CSPG4: variants seen among roughly 807,000 people sequenced by gnomAD.
CSPG4 encodes chondroitin sulfate proteoglycan 4 (melanoma-associated).
CSPG4 carries 74 observed loss-of-function variants against 139.3 expected under a neutral mutation model. The observed-to-expected ratio is 0.53, with a 90% confidence interval of 0.44 to 0.64. The LOEUF is 0.64. CSPG4 is among the 30% of genes least tolerant of loss of function. The pLI, the probability that CSPG4 is intolerant of heterozygous loss-of-function variation, is 0.00. For missense variants in CSPG4, 2,565 were observed against 3,148.3 expected, an observed-to-expected ratio of 0.81 and a Z score of 4.43; for synonymous variants, 1,234 against 1,394.2, an observed-to-expected ratio of 0.89 and a Z score of 2.56.
rs1894250989 is a variant in CSPG4 at position 75,698,104 on chromosome 15, C to T, written c.89-4871G>A. Reference sequence around the variant, plus strand: ...TGCACAGGAGTGAGGAGGGGATGCCCAGCCAGCCTGCTGGGGAGGGAGGGC... The same window carrying T: ...TGCACAGGAGTGAGGAGGGGATGCCTAGCCAGCCTGCTGGGGAGGGAGGGC... On this transcript the variant is annotated intron_variant, in intron 1 of 9. Transcript: ENST00000308508. The surrounding 1 kb of genome is among the most constrained non-coding windows in gnomAD (Gnocchi z 4.3). Among the ~76,000 whole-genome samples the T allele has an allele frequency of 6.6e-6, 1 of 152,150 alleles. No homozygotes were observed. Among genetic ancestry groups the T allele is most frequent in the Non-Finnish European group, 1.5e-5 (1 of 68,022 alleles).
chr15:75,700,830 T>G (rs1468105651), intron 1 of CSPG4, among the ~76,000 whole-genome samples: 1 of 152,182 alleles, frequency 6.6e-6, no homozygotes, highest in African/African-American at 2.4e-5. Context: ...ACTGTGGGTC[T>G]GGACGGCTGC....
chr15:75,695,408 G>A (rs908449670), intron 1 of CSPG4, among the ~76,000 whole-genome samples: 1 of 152,172 alleles, frequency 6.6e-6, no homozygotes, highest in Non-Finnish European at 1.5e-5. Context: ...GTCTGAATGG[G>A]TCCATTGAGG....
chr15:75,677,512 G>T, intron 9 of CSPG4, 128 bp from the exon 10 acceptor site: 1 of 1,225,698 alleles, frequency 8.2e-7, no homozygotes, highest in Non-Finnish European at 1.1e-6. Context: ...CCAGGGTGGG[G>T]CTCAGGGTTC....
In CSPG4 at chr15:75,696,340, G is replaced by T. The variant is rs1470333061; in HGVS notation, c.89-3107C>A. 6.6e-6 allele frequency among the ~76,000 whole-genome samples: 1 copy of T among 152,150 alleles called. No homozygotes were observed. Among genetic ancestry groups the T allele is most frequent in the Admixed American group, 6.5e-5 (1 of 15,280 alleles). ...AGCAGGATGCCCCACAGGTCTGGGGGCCCGTGGGAGGGGCAGGAAGAGTGC... is the reference window on the plus strand; with the variant it reads ...AGCAGGATGCCCCACAGGTCTGGGGTCCCGTGGGAGGGGCAGGAAGAGTGC... On this transcript the variant is annotated intron_variant, in intron 1 of 9. Transcript: ENST00000308508. The surrounding 1 kb of genome is among the most constrained non-coding windows in gnomAD (Gnocchi z 4.2).
chr15:75,712,859 C>CA, upstream of CSPG4: 1 of 952,598 alleles, frequency 1.0e-6, no homozygotes, highest in East Asian at 3.2e-5. Flanking sequence ...GGGCCGGCTC[C>CA]GGGTGTCCGC....
At chr15:75,699,283 C>A (rs981814770) in intron 1 of CSPG4, among the ~76,000 whole-genome samples, 14 of 152,204 alleles carry the variant, frequency 9.2e-5, no homozygotes, top group African/African-American at 3.4e-4. Flanking sequence ...CAGGGCAGCA[C>A]CAAAAACTCT....
Position 75,689,581 on chromosome 15 carries a change from G to T in CSPG4, c.1484C>A (p.Thr495Asn). 6.2e-7 allele frequency: 1 copy of T among 1,612,762 alleles called. No individual in the cohort carries two copies. Among genetic ancestry groups the T allele is most frequent in the Non-Finnish European group, 8.5e-7 (1 of 1,179,824 alleles). ...CTTGCGGTTCACCACGTCCAGGAGGGTGAACATTTTTCGTGCCTGGGCTCC... is the reference window on the plus strand; with the variant it reads ...CTTGCGGTTCACCACGTCCAGGAGGTTGAACATTTTTCGTGCCTGGGCTCC... ...IPGAQARKMF[T>N]LLDVVNRKAR... Residue 495 changes from threonine to asparagine, a missense_variant, in exon 3 of 10, where the codon ACC becomes AAC. By Grantham distance (65) the Thr-to-Asn change is moderately conservative. Around this residue, in one of 5 missense-constraint regions of CSPG4, gnomAD observed 2,316 missense variants for 2,818.2 expected, o/e 0.82. Transcript: ENST00000308508.
At chr15:75,686,296 C>T (rs1238783462) in intron 3 of CSPG4, among the ~76,000 whole-genome samples, 2 of 152,246 alleles carry the variant, frequency 1.3e-5, no homozygotes, top group African/African-American at 4.8e-5. Context: ...CACAGGCCCC[C>T]CTGCTCAGGA....
intron 1 of CSPG4, among the ~76,000 whole-genome samples, chr15:75,706,442 AGTGT>A (rs141542830): frequency 3.3e-5 from 5 of 151,450 alleles, no homozygotes; most frequent in Admixed American, 6.6e-5. Context: ...TGTGTGTGTG[AGTGT>A]GTGTGTGCAC....
intron 4 of CSPG4, 142 bp from the exon 5 acceptor site, chr15:75,685,054 G>C: frequency 7.9e-7 from 1 of 1,272,348 alleles, no homozygotes; most frequent in Non-Finnish European, 1.1e-6. Context: ...GCTCCGAGGA[G>C]TTGTGAGGAA....
chr15:75,685,030 G>T, intron 4 of CSPG4, 118 bp from the exon 5 acceptor site: 2 of 1,281,618 alleles, frequency 1.6e-6, no homozygotes, highest in South Asian at 1.4e-5. Context: ...AGAAAATGGG[G>T]ACCATAAGTT....
intron 1 of CSPG4, among the ~76,000 whole-genome samples, chr15:75,697,875 A>G (rs1450730148): frequency 1.3e-5 from 2 of 152,230 alleles, no homozygotes; most frequent in East Asian, 1.9e-4. Context: ...CATTCACTCA[A>G]TCACAAATAC....
chr15:75,684,229 G>T (rs981086079), intron 5 of CSPG4, among the ~76,000 whole-genome samples: 4 of 152,222 alleles, frequency 2.6e-5, no homozygotes, highest in Admixed American at 2.6e-4. Flanking sequence ...TCCATCCCAC[G>T]TCTGGGCCTC....
At position 75,698,905 on chromosome 15, in the gene CSPG4, A is replaced by G. The variant is rs1348005091; in HGVS notation, c.89-5672T>C. On this transcript the variant is annotated intron_variant, in intron 1 of 9. Transcript: ENST00000308508. The surrounding 1 kb of genome is among the most constrained non-coding windows in gnomAD (Gnocchi z 4.3). Reference sequence around the variant, plus strand: ...AAGGGGAGCGACCTGCCCAGTGATGACACTGGGGTCACCAGGGCCCAGGCC... The same window carrying G: ...AAGGGGAGCGACCTGCCCAGTGATGGCACTGGGGTCACCAGGGCCCAGGCC... Among the ~76,000 whole-genome samples, 1 of 152,100 alleles carries G rather than the reference A, an allele frequency of 6.6e-6. No individual in the cohort carries two copies. The highest frequency in any genetic ancestry group is 1.5e-5 in the Non-Finnish European group (1 of 67,998).
chr15:75,686,059 TA>T (rs1320300573), intron 3 of CSPG4, among the ~76,000 whole-genome samples: 3 of 152,202 alleles, frequency 2.0e-5, no homozygotes, highest in Non-Finnish European at 2.9e-5. Flanking sequence ...GGCTAATTTT[TA>T]AATTTTTTGT....
Position 75,698,996 on chromosome 15 carries a change from G to A in CSPG4, c.89-5763C>T, listed in dbSNP as rs765419418. 6.0e-4 allele frequency among the ~76,000 whole-genome samples: 91 copies of A among 152,086 alleles called. No homozygotes were observed. Among genetic ancestry groups the A allele is most frequent in the Non-Finnish European group, 1.2e-3 (85 of 68,010 alleles). On this transcript the variant is annotated intron_variant, in intron 1 of 9. Transcript: ENST00000308508. The surrounding 1 kb of genome is among the most constrained non-coding windows in gnomAD (Gnocchi z 4.3). ...CGCTCACACACCTGCAGACCCCTCAGGGCTCACTGCTCTTTAGCAACTCTT... is the reference window on the plus strand; with the variant it reads ...CGCTCACACACCTGCAGACCCCTCAAGGCTCACTGCTCTTTAGCAACTCTT...
At chr15:75,708,230 C>G (rs4886955) in intron 1 of CSPG4, among the ~76,000 whole-genome samples, 76,034 of 98,216 alleles carry the variant, frequency 0.77, 29,863 homozygotes, top group African/African-American at 0.83. Flanking sequence ...GAGCCAGCGG[C>G]CTCCTCCACA....
Position 75,687,692 on chromosome 15 carries a change from G to A in CSPG4, c.3373C>T (p.Pro1125Ser). The A allele has an allele frequency of 6.2e-7, 1 of 1,612,944 alleles. No homozygotes were observed. Among genetic ancestry groups the A allele is most frequent in the Non-Finnish European group, 8.5e-7 (1 of 1,179,972 alleles). ...TALLEVQASE[P>S]YLRVANGSSL... ...GAGCCGTTGGCCACACGGAGGTAGG[G>A]TTCCGAGGCCTGCACCTCCAGCAGC... Residue 1125 changes from proline (P) to serine (S), a missense_variant, in exon 3 of 10, where the codon CCC becomes TCC. Physicochemically the swap from Pro to Ser is moderately conservative, Grantham distance 74. Around this residue, in one of 5 missense-constraint regions of CSPG4, gnomAD observed 2,316 missense variants for 2,818.2 expected, o/e 0.82. Coordinates refer to ENST00000308508, the MANE Select transcript of CSPG4 (RefSeq NM_001897.5). The surrounding 1 kb of genome is among the most constrained non-coding windows in gnomAD (Gnocchi z 5.4).
intron 1 of CSPG4, among the ~76,000 whole-genome samples, chr15:75,694,231 T>G (rs933515032): frequency 6.6e-6 from 1 of 152,256 alleles, no homozygotes; most frequent in Admixed American, 6.5e-5. Context: ...GTGGTTCCTA[T>G]GCAGGGCCCG....
Sources: gnomAD v4.1 joint callset for allele counts (sites outside exome capture counted in the v4.1 genomes callset) on GRCh38, gnomAD v4.1.1 for gene constraint, gnomAD v4.1.1 regional missense constraint, Gnocchi (gnomAD v3.1) non-coding constraint, MANE v1.5 for transcripts, NCBI Gene and HGNC (gene_info 2026-07-23, HGNC 2026-07-21) for gene names.